The following SERINC5 variants were observed in gnomAD, a reference collection of about 807,000 sequenced individuals.
SERINC5 encodes the protein serine incorporator 5, also known as chromosome 5 open reading frame 12.
In SERINC5, 41 loss-of-function variants were observed where a neutral mutation model predicts 63.1. That is an observed-to-expected ratio of 0.65 (90% CI 0.51 to 0.84). SERINC5 has a LOEUF of 0.84. SERINC5 is among the 40% of genes least tolerant of loss of function. The pLI, the probability that SERINC5 is intolerant of heterozygous loss-of-function variation, is 0.00. For missense variants in SERINC5, 523 were observed against 573.0 expected (o/e 0.91, Z 0.89); for synonymous variants, 222 against 215.2 (o/e 1.03, Z -0.28).
chr5:80,214,565 A>AC (rs1750579672), intron 1 of SERINC5, among the ~76,000 whole-genome samples: 1 of 144,736 alleles, frequency 6.9e-6, no homozygotes, highest in South Asian at 2.1e-4. Context: ...AAAAACAAAA[A>AC]AAAAACGAAC....
chr5:80,213,303 T>G (rs1390088185), intron 1 of SERINC5, among the ~76,000 whole-genome samples: 1 of 151,680 alleles, frequency 6.6e-6, no homozygotes, highest in Non-Finnish European at 1.5e-5. Context: ...TAGTTAGCAA[T>G]AGTTAACACT....
chr5:80,225,111 T>C (rs1457239678), intron 1 of SERINC5, among the ~76,000 whole-genome samples: 3 of 152,152 alleles, frequency 2.0e-5, no homozygotes, highest in Admixed American at 1.3e-4. Context: ...CAGCTAACAT[T>C]TGTATTTTTA....
At chr5:80,234,107 A>G (rs1241626422) in intron 1 of SERINC5, among the ~76,000 whole-genome samples, 1 of 151,816 alleles carries the variant, frequency 6.6e-6, no homozygotes, top group Non-Finnish European at 1.5e-5. Context: ...ACCATGCCCG[A>G]CCCCAACTTT....
At chr5:80,168,751 C>G (rs1747465068) in intron 6 of SERINC5, among the ~76,000 whole-genome samples, 1 of 152,146 alleles carries the variant, frequency 6.6e-6, no homozygotes, top group Admixed American at 6.5e-5. Flanking sequence ...CTTTCAGATC[C>G]CACTGTCTCT....
downstream of SERINC5, among the ~76,000 whole-genome samples, chr5:80,137,508 G>A (rs1037176110): frequency 1.1e-4 from 16 of 151,850 alleles, no homozygotes; most frequent in Non-Finnish European, 2.1e-4. Context: ...GTGTGGTGGC[G>A]GCCACCTGTA....
At chr5:80,224,169 T>G (rs1272682942) in intron 1 of SERINC5, among the ~76,000 whole-genome samples, 1 of 139,540 alleles carries the variant, frequency 7.2e-6, no homozygotes, top group Non-Finnish European at 1.5e-5. Flanking sequence ...AAAAGAAAAG[T>G]CAGAAATGAA....
At chr5:80,223,523 T>C (rs1447972069) in intron 1 of SERINC5, among the ~76,000 whole-genome samples, 1 of 152,226 alleles carries the variant, frequency 6.6e-6, no homozygotes, top group African/African-American at 2.4e-5. Context: ...TATATCATCA[T>C]ATTCTTTTAT....
chr5:80,186,575 T>C (rs1382801975), intron 2 of SERINC5, among the ~76,000 whole-genome samples: 1 of 152,058 alleles, frequency 6.6e-6, no homozygotes, highest in African/African-American at 2.4e-5. Context: ...GGAAAAACAT[T>C]TCCAAAACAT....
chr5:80,122,776 G>C (rs551116263), intron 11 of SERINC5, among the ~76,000 whole-genome samples: 4 of 152,350 alleles, frequency 2.6e-5, no homozygotes, highest in Non-Finnish European at 5.9e-5. Context: ...ACGTGAGAAG[G>C]AATACCTCAA....
chr5:80,199,598 A>C (rs1749707246), intron 2 of SERINC5, among the ~76,000 whole-genome samples: 1 of 152,218 alleles, frequency 6.6e-6, no homozygotes, highest in African/African-American at 2.4e-5. Flanking sequence ...GGTTACTTGG[A>C]TGGTAATCAG....
At chr5:80,200,944 G>A (rs1459699870) in intron 2 of SERINC5, among the ~76,000 whole-genome samples, 2 of 150,976 alleles carry the variant, frequency 1.3e-5, no homozygotes, top group African/African-American at 4.9e-5. Flanking sequence ...AGAAAGATAC[G>A]AAAATTTAGC....
Position 80,186,127 on chromosome 5 carries a change from A to G in SERINC5, c.196-8063T>C, listed in dbSNP as rs1400836872. On this transcript the variant is annotated intron_variant, in intron 2 of 11. Coordinates refer to ENST00000507668, the MANE Select transcript of SERINC5 (RefSeq NM_001174072.3). ...TTGAAAGATTAACTTTCTTGTTTTG[A>G]AAAAAAAAAAAAAAAAAAAAAAAAA... Among the ~76,000 whole-genome samples, 9 of 15,686 alleles carry G rather than the reference A, an allele frequency of 5.7e-4. No individual in the cohort carries two copies. The East Asian group carries it at 0.014, about 24-fold the overall frequency. 10.3% of individuals were successfully genotyped at this position (15,686 alleles called of 152,430 possible).
intron 2 of SERINC5, among the ~76,000 whole-genome samples, chr5:80,178,496 G>T (rs11953891): frequency 6.9e-6 from 1 of 145,396 alleles, no homozygotes; most frequent in South Asian, 2.2e-4. Flanking sequence ...CCAATTAGCT[G>T]GGACTACAGG....
At chr5:80,193,554 C>T (rs370248016) in intron 2 of SERINC5, among the ~76,000 whole-genome samples, 1 of 152,212 alleles carries the variant, frequency 6.6e-6, no homozygotes, top group Admixed American at 6.5e-5. Context: ...CTCCCGCAAA[C>T]GTGCAGGTAA....
chr5:80,137,149 A>AC (rs199803063), downstream of SERINC5, among the ~76,000 whole-genome samples: 3,147 of 126,212 alleles, frequency 0.025, 145 homozygotes, highest in African/African-American at 0.085. Flanking sequence ...CAAAAAAAAA[A>AC]AAAAAAAAAA....
At chr5:80,143,859 A>G (rs1356555346) in intron 11 of SERINC5, 49 bp from the exon 12 acceptor site, 45 of 1,527,420 alleles carry the variant, frequency 2.9e-5, no homozygotes, top group Non-Finnish European at 3.4e-5. Context: ...ATATATTGAG[A>G]TACAATTCAC....
chr5:80,205,230 G>A (rs182488173), intron 1 of SERINC5, among the ~76,000 whole-genome samples: 3 of 152,206 alleles, frequency 2.0e-5, no homozygotes, highest in Non-Finnish European at 4.4e-5. Context: ...ACTCACTCAG[G>A]TCCTCCTTTC....
intron 11 of SERINC5, among the ~76,000 whole-genome samples, chr5:80,120,024 G>A (rs1744481276): frequency 6.6e-6 from 1 of 152,130 alleles, no homozygotes; most frequent in African/African-American, 2.4e-5. Flanking sequence ...TGGGACCTTG[G>A]GCAAGTTACT....
intron 1 of SERINC5, among the ~76,000 whole-genome samples, chr5:80,215,429 T>C (rs1468975095): frequency 6.6e-6 from 1 of 152,248 alleles, no homozygotes; most frequent in Non-Finnish European, 1.5e-5. Flanking sequence ...GTCTTTTCTT[T>C]ATAAATTACC....
Sources: allele counts gnomAD v4.1 joint callset (sites outside exome capture counted in the v4.1 genomes callset), GRCh38; gene constraint gnomAD v4.1.1; transcripts MANE v1.5; gene names NCBI Gene and HGNC (gene_info 2026-07-23, HGNC 2026-07-21).